The following PCDH15 variants were observed in gnomAD, a reference collection of about 807,000 sequenced individuals.
PCDH15 encodes protocadherin related 15, also known as protocadherin-15.
Under a neutral mutation model 178.5 loss-of-function variants are expected in PCDH15, and 129 were observed. That is an observed-to-expected ratio of 0.72 (90% CI 0.63 to 0.84). The LOEUF is 0.84. Among genes scored for constraint, PCDH15 ranks in the 40% least tolerant of loss-of-function variants. The pLI is 0.00. For missense variants in PCDH15, 2,230 were observed against 2,099.9 expected (o/e 1.06, Z -1.21); for synonymous variants, 800 against 732.0 (o/e 1.09, Z -1.50).
chr10:55,194,789 T>C (rs775975257), intron 1 of PCDH15, among the ~76,000 whole-genome samples: 10 of 151,794 alleles, frequency 6.6e-5, no homozygotes, highest in Non-Finnish European at 1.3e-4. Flanking sequence ...CTATATATAG[T>C]ATGAATGAGA....
intron 18 of PCDH15, among the ~76,000 whole-genome samples, chr10:54,032,778 CTGGGGG>C (rs2093328714): frequency 2.0e-5 from 3 of 151,974 alleles, no homozygotes; most frequent in African/African-American, 7.2e-5. Context: ...TTCCCAGAAA[CTGGGGG>C]ATTTATAAAT....
chr10:54,061,609 C>A (rs542312051), intron 18 of PCDH15, among the ~76,000 whole-genome samples: 134 of 152,038 alleles, frequency 8.8e-4, no homozygotes, highest in African/African-American at 3.1e-3. Flanking sequence ...GAACCCTAAC[C>A]TGGCCACCTC....
At chr10:53,863,680 A>G (rs1463554252) in intron 27 of PCDH15, among the ~76,000 whole-genome samples, 2 of 152,160 alleles carry the variant, frequency 1.3e-5, no homozygotes, top group African/African-American at 4.8e-5. Flanking sequence ...TGGAAGATAG[A>G]AAAAAAGCAT....
intron 1 of PCDH15, among the ~76,000 whole-genome samples, chr10:54,674,986 T>A (rs544085697): frequency 6.6e-6 from 1 of 152,174 alleles, no homozygotes; most frequent in African/African-American, 2.4e-5. Flanking sequence ...CACTAAGAAC[T>A]TTAGTCTCTT....
At chr10:55,201,801 A>G (rs868662154) in intron 1 of PCDH15, among the ~76,000 whole-genome samples, 2 of 152,136 alleles carry the variant, frequency 1.3e-5, no homozygotes, top group African/African-American at 4.8e-5. Flanking sequence ...TTGGTGGAAT[A>G]CTGCTTTTTC....
At chr10:54,085,511 T>C (rs2094501454) in intron 16 of PCDH15, among the ~76,000 whole-genome samples, 1 of 152,162 alleles carries the variant, frequency 6.6e-6, no homozygotes. Context: ...TGTGTACTTA[T>C]TTGTGGATGA....
At chr10:55,144,859 C>T (rs1838460509) in intron 2 of PCDH15, among the ~76,000 whole-genome samples, 1 of 151,776 alleles carries the variant, frequency 6.6e-6, no homozygotes, top group Non-Finnish European at 1.5e-5. Flanking sequence ...TACAGTGCTC[C>T]ATATTTTATT....
chr10:55,257,050 A>C (rs1290110420), intron 1 of PCDH15, among the ~76,000 whole-genome samples: 2 of 152,182 alleles, frequency 1.3e-5, no homozygotes, highest in African/African-American at 4.8e-5. Context: ...ATCAGGTAGC[A>C]ACATTTGCTG....
intron 14 of PCDH15, among the ~76,000 whole-genome samples, chr10:54,149,375 G>A (rs2044290228): frequency 6.6e-6 from 1 of 152,074 alleles, no homozygotes; most frequent in African/African-American, 2.4e-5. Flanking sequence ...TGGGCTGAAA[G>A]GAAACTTTTC....
At chr10:54,653,526 T>G (rs906593949) in intron 2 of PCDH15, among the ~76,000 whole-genome samples, 1 of 152,190 alleles carries the variant, frequency 6.6e-6, no homozygotes, top group Non-Finnish European at 1.5e-5. Context: ...GAGGATATTT[T>G]AAAACTTAGG....
At chr10:54,925,158 A>G (rs763024798) in intron 2 of PCDH15, among the ~76,000 whole-genome samples, 10 of 152,208 alleles carry the variant, frequency 6.6e-5, no homozygotes, top group Admixed American at 3.3e-4. Flanking sequence ...ATTCTTCTGC[A>G]TATGGCTAGC....
At chr10:54,541,559 G>A (rs949789974) in intron 2 of PCDH15, among the ~76,000 whole-genome samples, 8 of 152,014 alleles carry the variant, frequency 5.3e-5, no homozygotes, top group African/African-American at 1.7e-4. Context: ...AATAAGATCT[G>A]TTATTCCAAA....
chr10:54,691,816 C>T (rs532524573), intron 1 of PCDH15, among the ~76,000 whole-genome samples: 25 of 152,102 alleles, frequency 1.6e-4, no homozygotes, highest in South Asian at 1.2e-3. Context: ...TTTCTGCTTA[C>T]GGAGTTTAAC....
chr10:55,261,028 AC>A (rs1842135196), intron 1 of PCDH15, among the ~76,000 whole-genome samples: 1 of 152,166 alleles, frequency 6.6e-6, no homozygotes, highest in African/African-American at 2.4e-5. Flanking sequence ...TGGTCCACAA[AC>A]ACCAACACTA....
chr10:55,099,656 C>T (rs969162969), intron 2 of PCDH15, among the ~76,000 whole-genome samples: 2 of 151,824 alleles, frequency 1.3e-5, no homozygotes, highest in African/African-American at 4.8e-5. Context: ...ATAACAGAAC[C>T]ATGTCAGTAA....
intron 2 of PCDH15, among the ~76,000 whole-genome samples, chr10:54,548,406 T>A (rs1173297266): frequency 6.7e-6 from 1 of 148,202 alleles, no homozygotes; most frequent in Non-Finnish European, 1.5e-5. Flanking sequence ...ACCATTTTAA[T>A]TTTCCACATG....
chr10:55,332,765 C>T (rs1844238515), intron 2 of PCDH15, among the ~76,000 whole-genome samples: 2 of 152,120 alleles, frequency 1.3e-5, no homozygotes, highest in Admixed American at 1.3e-4. Flanking sequence ...CCTTTTTTAG[C>T]TTGGCTTTCA....
At chr10:54,690,821 G>A (rs1239945588) in intron 1 of PCDH15, among the ~76,000 whole-genome samples, 2 of 151,936 alleles carry the variant, frequency 1.3e-5, no homozygotes, top group Non-Finnish European at 2.9e-5. Context: ...TTATCTCAGT[G>A]TCCCTAGAAA....
intron 3 of PCDH15, among the ~76,000 whole-genome samples, chr10:54,501,036 G>A (rs368826534): frequency 8.6e-5 from 13 of 151,922 alleles, no homozygotes; most frequent in Admixed American, 3.9e-4. Context: ...GGAGCTGAAC[G>A]ATGAGAATAC....
Sources: gnomAD v4.1 joint callset for allele counts (sites outside exome capture counted in the v4.1 genomes callset) on GRCh38, gnomAD v4.1.1 for gene constraint, MANE v1.5 for transcripts, NCBI Gene and HGNC (gene_info 2026-07-23, HGNC 2026-07-21) for gene names.